Variants in PHF6 observed in about 807,000 individuals in gnomAD.
PHF6 encodes PHD finger protein 6.
A neutral mutation model predicts 34.0 loss-of-function variants in PHF6; 7 were observed. That is an observed-to-expected ratio of 0.21 (90% CI 0.12 to 0.39). The LOEUF (loss-of-function observed/expected upper bound fraction) is 0.39. Ranked by LOEUF, PHF6 falls within the 10% of genes least tolerant of loss-of-function variation. The pLI is 1.00. For missense variants in PHF6, 128 were observed against 262.8 expected (o/e 0.49, Z 3.55); for synonymous variants, 89 against 88.4 (o/e 1.01, Z -0.04).
At chrX:134,382,376 T>C (rs966178668) in intron 3 of PHF6, among the ~76,000 whole-genome samples, 10 of 111,159 alleles carry the variant, frequency 9.0e-5, no homozygotes, top group African/African-American at 3.3e-4. Context: ...CTGTACCATC[T>C]ATTCTTACTT....
chrX:134,377,526 G>T, intron 1 of PHF6, 46 bp from the exon 2 acceptor site: 1 of 990,015 alleles, frequency 1.0e-6, no homozygotes, highest in Non-Finnish European at 1.4e-6. Context: ...TGTATAAACT[G>T]ATTTTAAAAT....
chrX:134,392,830 C>T (rs1186549577), intron 3 of PHF6, among the ~76,000 whole-genome samples: 2 of 107,670 alleles, frequency 1.9e-5, no homozygotes, highest in Non-Finnish European at 3.8e-5. Flanking sequence ...GACGGAGTCT[C>T]GCTCTGTTGC....
rs762897039 is a variant in PHF6 at position 134,393,507 on chromosome X, T to G, written c.247T>G (p.Ser83Ala). 5.0e-6 allele frequency: 6 copies of G among 1,210,162 alleles called. No homozygotes were observed. In the Admixed American group the frequency reaches 1.1e-4, roughly 22 times the overall value. Reference sequence around the variant, plus strand: ...TTTTGTCGTTTTGCTGTAGATGTGTTCTTTGTGCCATTGTCCTGGAGCAAC... The same window carrying G: ...TTTTGTCGTTTTGCTGTAGATGTGTGCTTTGTGCCATTGTCCTGGAGCAAC... The part of the protein sequence containing the change: ...EIKRGTKLMC[S>A]LCHCPGATIG... Residue 83 changes from serine (S) to alanine (A), a missense_variant, in exon 4 of 11, where the codon TCT (serine) becomes GCT (alanine). By Grantham distance (99) the Ser-to-Ala change is moderately conservative. Around this residue, in one of 3 missense-constraint regions of PHF6, gnomAD observed 97 missense variants for 152.9 expected, o/e 0.63. Coordinates refer to ENST00000370803, the MANE Select transcript of PHF6 (RefSeq NM_001015877.2).
At chrX:134,422,692 G>A (rs2077496071) in intron 9 of PHF6, among the ~76,000 whole-genome samples, 1 of 111,200 alleles carries the variant, frequency 9.0e-6, no homozygotes, top group Non-Finnish European at 1.9e-5. Flanking sequence ...TGTCTTTATT[G>A]TATTTTTAAC....
At chrX:134,414,975 A>G in intron 7 of PHF6, 41 bp from the exon 8 acceptor site, 2 of 1,054,342 alleles carry the variant, frequency 1.9e-6, no homozygotes, top group Admixed American at 2.2e-5. Flanking sequence ...TTCTCTCATA[A>G]GGATTCTGAA....
At chrX:134,399,746 C>T (rs2077395195) in intron 5 of PHF6, among the ~76,000 whole-genome samples, 2 of 110,277 alleles carry the variant, frequency 1.8e-5, no homozygotes, top group Admixed American at 9.7e-5. Flanking sequence ...CAGAGTGGTA[C>T]GCTTATTACA....
At chrX:134,389,313 C>G (rs904456396) in intron 3 of PHF6, among the ~76,000 whole-genome samples, 1 of 110,892 alleles carries the variant, frequency 9.0e-6, no homozygotes, top group African/African-American at 3.3e-5. Flanking sequence ...GGGGAGAGGT[C>G]TTCCATTGTT....
intron 5 of PHF6, among the ~76,000 whole-genome samples, chrX:134,404,990 G>T (rs1429046920): frequency 9.0e-6 from 1 of 111,570 alleles, no homozygotes; most frequent in African/African-American, 3.3e-5. Context: ...TTGCTTTACT[G>T]TGGTAGTCCG....
chrX:134,396,884 C>G (rs1331860111), intron 5 of PHF6, among the ~76,000 whole-genome samples: 1 of 87,152 alleles, frequency 1.1e-5, no homozygotes, highest in Non-Finnish European at 2.3e-5. Context: ...TTGTACTGCA[C>G]TAAAAAAAAA....
In PHF6 at chrX:134,386,433, A is replaced by G. The variant is rs761310965; in HGVS notation, c.241-7068A>G. On this transcript the variant is annotated intron_variant, in intron 3 of 10. Transcript: ENST00000370803. ...CAGATGATTTTTTTTTTTTTTTTAG[A>G]CTGAGTCTCACTCTGTCGCCAGGCT... Among the ~76,000 whole-genome samples, 10 of 101,093 alleles carry G rather than the reference A, an allele frequency of 9.9e-5. 1 individual carries two copies. The South Asian group carries it at 4.5e-3, about 45-fold the overall frequency. 87.8% of individuals were successfully genotyped at this position (101,093 alleles called of 115,157 possible). A position where few individuals can be genotyped will look rare whatever the true frequency, so the allele number is the denominator to read the frequency against.
In PHF6 at chrX:134,398,710, C is replaced by T. The variant is rs546272849; in HGVS notation, c.418+4758C>T. ...TTGGAGATGACTCCAAGGTTTCTGG[C>T]GTATCCAAATGGGTGACGGAGGGTG... On this transcript the variant is annotated intron_variant, in intron 5 of 10. Transcript: ENST00000370803. 1.3e-4 allele frequency among the ~76,000 whole-genome samples: 14 copies of T among 111,525 alleles called. No homozygotes were observed. In the South Asian group the frequency reaches 5.2e-3, roughly 42 times the overall value.
At chrX:134,394,087 A>T (rs1028398019) in intron 5 of PHF6, 135 bp downstream of exon 5, 1 of 614,490 alleles carries the variant, frequency 1.6e-6, no homozygotes, top group African/African-American at 2.3e-5. Context: ...GAATTGAGAA[A>T]AGTGTTAGGA....
rs1319153733 is a variant in PHF6 at position 134,426,537 on chromosome X, T to C, written c.*877T>C. ...GCACAGTACGTAAGGAGGTCTCATG[T>C]GCTGTAGGAGTAAAAAAGTCTTTGC... On this transcript the variant is annotated 3_prime_UTR_variant, in exon 11 of 11. Transcript: ENST00000370803. The C allele has an allele frequency of 6.2e-6, 1 of 162,307 alleles. No individual in the cohort carries two copies. Among genetic ancestry groups the C allele is most frequent in the Non-Finnish European group, 1.2e-5 (1 of 83,579 alleles). 13.4% of individuals were successfully genotyped at this position (162,307 alleles called of 1,213,427 possible). A position where few individuals can be genotyped will look rare whatever the true frequency, so the allele number is the denominator to read the frequency against.
rs1337123927 is a variant in PHF6 at position 134,427,122 on chromosome X, T to C, written c.*1462T>C. 6.1e-6 allele frequency: 1 copy of C among 164,470 alleles called. No individual in the cohort carries two copies. The highest frequency in any genetic ancestry group is 1.2e-5 in the Non-Finnish European group (1 of 85,077). The allele number at this position is 164,470 out of a possible 1,213,427, so 13.6% of individuals were successfully genotyped here. A position where few individuals can be genotyped will look rare whatever the true frequency, so the allele number is the denominator to read the frequency against. On this transcript the variant is annotated 3_prime_UTR_variant, in exon 11 of 11. Transcript: ENST00000370803. ...TTTGTCAAGTGTGTATTCACACATT[T>C]ACTTAAATCAAGGGACTCAATGCTT...
At chrX:134,405,804 G>GTA (rs766854642) in intron 5 of PHF6, among the ~76,000 whole-genome samples, 4 of 88,200 alleles carry the variant, frequency 4.5e-5, no homozygotes, top group Non-Finnish European at 6.3e-5. Context: ...GCATGTGTAT[G>GTA]TATATATATA....
intron 3 of PHF6, among the ~76,000 whole-genome samples, chrX:134,387,996 T>A (rs780223616): frequency 2.6e-4 from 29 of 111,705 alleles, no homozygotes; most frequent in Admixed American, 1.2e-3. Context: ...GCTGTATTTT[T>A]AAAAAATAGT....
chrX:134,397,237 T>C (rs946889511), intron 5 of PHF6, among the ~76,000 whole-genome samples: 1 of 112,591 alleles, frequency 8.9e-6, no homozygotes, highest in Non-Finnish European at 1.9e-5. Flanking sequence ...ATATGGAGTT[T>C]ATAACTATCA....
At position 134,393,941 on chromosome X, in the gene PHF6, A is replaced by G. The variant is rs774353684; in HGVS notation, c.407A>G (p.His136Arg). Residue 136 changes from histidine (H) to arginine (R), a missense_variant, in exon 5 of 11, where the codon CAT (histidine) becomes CGT (arginine). Coordinates refer to ENST00000370803, the MANE Select transcript of PHF6 (RefSeq NM_001015877.2). ...VYCRKHKKTA[H>R]NSEADLEESF... ...TGCCGAAAACACAAGAAAACTGCACATAACTCCGAAGGTACATCATTTAGC... is the reference window on the plus strand; with the variant it reads ...TGCCGAAAACACAAGAAAACTGCACGTAACTCCGAAGGTACATCATTTAGC... 7.4e-6 allele frequency: 9 copies of G among 1,208,999 alleles called. No homozygotes were observed. The South Asian group carries it at 1.4e-4, about 19-fold the overall frequency.
intron 8 of PHF6, among the ~76,000 whole-genome samples, chrX:134,416,283 A>G (rs1770621385): frequency 8.9e-6 from 1 of 111,747 alleles, no homozygotes; most frequent in African/African-American, 3.2e-5. Flanking sequence ...CAGAGCCTGT[A>G]GTACTGAAAA....
Sources: gnomAD v4.1 joint callset for allele counts (sites outside exome capture counted in the v4.1 genomes callset) on GRCh38, gnomAD v4.1.1 for gene constraint, gnomAD v4.1.1 regional missense constraint, MANE v1.5 for transcripts, NCBI Gene and HGNC (gene_info 2026-07-23, HGNC 2026-07-21) for gene names.